The following MAP2K1 variants were observed in gnomAD, a reference collection of about 807,000 sequenced individuals.
MAP2K1 encodes the protein mitogen-activated protein kinase kinase 1, also known as dual specificity mitogen-activated protein kinase kinase 1.
MAP2K1 carries 16 observed loss-of-function variants against 46.3 expected under a neutral mutation model. That is an observed-to-expected ratio of 0.35 (90% CI 0.23 to 0.52). MAP2K1 has a LOEUF of 0.52. MAP2K1 is among the 20% of genes least tolerant of loss of function. The pLI, the probability that MAP2K1 is intolerant of heterozygous loss-of-function variation, is 0.94. For missense variants in MAP2K1, 263 were observed against 497.1 expected (o/e 0.53, Z 4.48); for synonymous variants, 183 against 185.6 (o/e 0.99, Z 0.11).
intron 5 of MAP2K1, among the ~76,000 whole-genome samples, chr15:66,455,651 G>GT (rs754380199): frequency 9.9e-5 from 15 of 152,104 alleles, no homozygotes; most frequent in Non-Finnish European, 8.8e-5. Flanking sequence ...CATTGCCTTG[G>GT]TTGTACACAT....
At chr15:66,389,159 G>A (rs1443251543) in intron 1 of MAP2K1, among the ~76,000 whole-genome samples, 1 of 151,408 alleles carries the variant, frequency 6.6e-6, no homozygotes, top group Non-Finnish European at 1.5e-5. Context: ...ACCTGCCTCG[G>A]CCTCCGAAAA....
At chr15:66,405,534 G>A (rs1490013012) in intron 1 of MAP2K1, among the ~76,000 whole-genome samples, 1 of 152,100 alleles carries the variant, frequency 6.6e-6, no homozygotes, top group Non-Finnish European at 1.5e-5. Flanking sequence ...GAGAAAATGA[G>A]GGACAAAGAA....
At chr15:66,457,699 A>T (rs1275802398) in intron 5 of MAP2K1, among the ~76,000 whole-genome samples, 2 of 152,118 alleles carry the variant, frequency 1.3e-5, no homozygotes, top group Admixed American at 6.6e-5. Context: ...TGGTGGCTGT[A>T]GCCTGTAATC....
intron 1 of MAP2K1, chr15:66,401,769 G>C (rs2093382284): frequency 6.6e-6 from 1 of 152,408 alleles, no homozygotes; most frequent in South Asian, 2.1e-4. Flanking sequence ...GGAGATGACA[G>C]TTGAACTGGG....
At chr15:66,424,791 C>CTTTTTTTTTTTTTTTTTTTTTTTTTTTTT (rs58738231) in intron 1 of MAP2K1, among the ~76,000 whole-genome samples, 1 of 82,120 alleles carries the variant, frequency 1.2e-5, no homozygotes, top group African/African-American at 4.7e-5. Flanking sequence ...CAATCTCAAT[C>CTTTTTTTTTTTTTTTTTTTTTTTTTTTTT]TTTTTTTTTT....
intron 1 of MAP2K1, among the ~76,000 whole-genome samples, chr15:66,397,678 A>G (rs995302560): frequency 6.6e-6 from 1 of 152,204 alleles, no homozygotes; most frequent in African/African-American, 2.4e-5. Flanking sequence ...ACATCTAATC[A>G]AGCCTTTAGA....
intron 1 of MAP2K1, among the ~76,000 whole-genome samples, chr15:66,402,347 A>G (rs756796827): frequency 2.6e-5 from 4 of 152,176 alleles, no homozygotes; most frequent in Non-Finnish European, 4.4e-5. Flanking sequence ...ATTTTTCTCC[A>G]CAGTGAAGTC....
In MAP2K1 at chr15:66,456,942, A is replaced by G. The variant is rs970800706; in HGVS notation, c.568+12235A>G. On this transcript the variant is annotated intron_variant, in intron 5 of 10. Transcript: ENST00000307102. ...TTTCCGCTTACAAATTCTGTTAAGC[A>G]TTGGGTCAGAAAGACAAAACACTAA... Among the ~76,000 whole-genome samples, 4 of 152,338 alleles carry G rather than the reference A, an allele frequency of 2.6e-5. No individual in the cohort carries two copies. In the South Asian group the frequency reaches 8.3e-4, roughly 32 times the overall value.
At chr15:66,402,471 C>T (rs946222973) in intron 1 of MAP2K1, among the ~76,000 whole-genome samples, 1 of 152,116 alleles carries the variant, frequency 6.6e-6, no homozygotes, top group African/African-American at 2.4e-5. Context: ...CCCACTCTTA[C>T]GTAGTTTTGA....
At chr15:66,443,000 G>A (rs1033031158) in intron 3 of MAP2K1, among the ~76,000 whole-genome samples, 1 of 151,862 alleles carries the variant, frequency 6.6e-6, no homozygotes, top group Non-Finnish European at 1.5e-5. Flanking sequence ...TTCCCTGGGC[G>A]CACCACCCTC....
At chr15:66,418,945 C>CTTTTTT (rs753511565) in intron 1 of MAP2K1, among the ~76,000 whole-genome samples, 1 of 88,904 alleles carries the variant, frequency 1.1e-5, no homozygotes, top group Admixed American at 1.5e-4. Flanking sequence ...TGTGCCCGGC[C>CTTTTTT]TTTTTTTTTT....
At chr15:66,402,535 C>T (rs1049479286) in intron 1 of MAP2K1, among the ~76,000 whole-genome samples, 2 of 152,148 alleles carry the variant, frequency 1.3e-5, no homozygotes, top group Non-Finnish European at 2.9e-5. Flanking sequence ...CAGCAATTTT[C>T]GTGGGGTATC....
At chr15:66,430,501 A>C (rs1381576529) in intron 1 of MAP2K1, among the ~76,000 whole-genome samples, 1 of 152,010 alleles carries the variant, frequency 6.6e-6, no homozygotes, top group African/African-American at 2.4e-5. Flanking sequence ...TTTTCTGGAT[A>C]TCACCCCCCT....
intron 2 of MAP2K1, among the ~76,000 whole-genome samples, chr15:66,435,489 C>T (rs1235249233): frequency 6.6e-6 from 1 of 151,836 alleles, no homozygotes; most frequent in Non-Finnish European, 1.5e-5. Flanking sequence ...CCATGCATGG[C>T]TAATTTTTTT....
Position 66,388,759 on chromosome 15 carries a change from T to C in MAP2K1, c.80+1332T>C, listed in dbSNP as rs2093349307. Among the ~76,000 whole-genome samples, 4 of 152,108 alleles carry C rather than the reference T, an allele frequency of 2.6e-5. 1 individual carries two copies. The South Asian group carries it at 8.3e-4, about 32-fold the overall frequency. On this transcript the variant is annotated intron_variant, in intron 1 of 10. Transcript: ENST00000307102. ...ATGATCACAAGGTCGATGGTGGACC[T>C]GTGGTGTGTGTTCAGCTGTGTTTTT...
intron 1 of MAP2K1, chr15:66,414,913 T>A (rs1436710563): frequency 5.3e-6 from 2 of 376,470 alleles, no homozygotes. Context: ...TGGCGGGGAG[T>A]GCAGAGCATG....
At chr15:66,427,434 C>G (rs1048880807) in intron 1 of MAP2K1, among the ~76,000 whole-genome samples, 2 of 151,880 alleles carry the variant, frequency 1.3e-5, no homozygotes, top group African/African-American at 4.8e-5. Context: ...TGGCGGGCGC[C>G]TGTAGTCCCA....
intron 1 of MAP2K1, among the ~76,000 whole-genome samples, chr15:66,396,344 T>A (rs1416885390): frequency 6.6e-6 from 1 of 151,784 alleles, no homozygotes; most frequent in East Asian, 1.9e-4. Context: ...AGTGGCATGA[T>A]CTTGGCTCAC....
At chr15:66,420,462 A>T (rs2093435182) in intron 1 of MAP2K1, among the ~76,000 whole-genome samples, 2 of 151,198 alleles carry the variant, frequency 1.3e-5, no homozygotes, top group South Asian at 2.1e-4. Flanking sequence ...CTGAGGTGGG[A>T]GGATCACCTG....
Sources: gnomAD v4.1 joint callset for allele counts (sites outside exome capture counted in the v4.1 genomes callset) on GRCh38, gnomAD v4.1.1 for gene constraint, MANE v1.5 for transcripts, NCBI Gene and HGNC (gene_info 2026-07-23, HGNC 2026-07-21) for gene names.